The following SNTB1 variants were observed in gnomAD, a reference collection of about 807,000 sequenced individuals.
SNTB1 encodes the protein syntrophin beta 1.
SNTB1 carries 36 observed loss-of-function variants against 48.9 expected under a neutral mutation model. The observed-to-expected ratio is 0.74, with a 90% CI of 0.56 to 0.97. The LOEUF is 0.97. Among genes scored for constraint, SNTB1 ranks in the 50% least tolerant of loss-of-function variants. SNTB1 has a pLI of 0.00. For missense variants in SNTB1, 786 were observed against 703.4 expected (o/e 1.12, Z -1.33); for synonymous variants, 299 against 294.6 (o/e 1.01, Z -0.15).
chr8:120,712,541 A>G (rs1324757907), intron 1 of SNTB1, among the ~76,000 whole-genome samples: 2 of 152,168 alleles, frequency 1.3e-5, no homozygotes, highest in African/African-American at 4.8e-5. Flanking sequence ...AGCACTATTA[A>G]GTCCTAATTT....
intron 2 of SNTB1, among the ~76,000 whole-genome samples, chr8:120,681,016 T>C (rs1016627932): frequency 3.9e-5 from 6 of 152,180 alleles, no homozygotes; most frequent in African/African-American, 1.4e-4. Context: ...CTTAAATTCA[T>C]TTTTTAACTA....
At chr8:120,578,605 A>G (rs1815987707) in intron 3 of SNTB1, among the ~76,000 whole-genome samples, 1 of 152,218 alleles carries the variant, frequency 6.6e-6, no homozygotes, top group South Asian at 2.1e-4. Flanking sequence ...AGGTGAAGAA[A>G]GGCAACAGGG....
chr8:120,637,116 A>G (rs983916458), intron 2 of SNTB1: 3 of 334,174 alleles, frequency 9.0e-6, no homozygotes, highest in Non-Finnish European at 1.8e-5. Context: ...CAGGCTTGGA[A>G]GAGAAACTTC....
chr8:120,557,847 G>T (rs1815591215), intron 4 of SNTB1, among the ~76,000 whole-genome samples: 2 of 152,166 alleles, frequency 1.3e-5, no homozygotes, highest in South Asian at 4.1e-4. Flanking sequence ...ATTCAGTTTT[G>T]CAAAGGAAAG....
At chr8:120,634,851 C>CT (rs1337691561) in intron 2 of SNTB1, among the ~76,000 whole-genome samples, 2 of 142,290 alleles carry the variant, frequency 1.4e-5, no homozygotes, top group African/African-American at 2.6e-5. Context: ...AATTAGTATT[C>CT]ATTTTTTTTT....
At chr8:120,603,104 T>C (rs995212732) in intron 3 of SNTB1, among the ~76,000 whole-genome samples, 5 of 152,152 alleles carry the variant, frequency 3.3e-5, no homozygotes, top group Admixed American at 2.6e-4. Flanking sequence ...TCTAGATTTT[T>C]TTTTTTTTCT....
In SNTB1 at chr8:120,666,766, T is replaced by C. The variant is rs72682524; in HGVS notation, c.788+26926A>G. Among the ~76,000 whole-genome samples the C allele has an allele frequency of 2.4e-3, 373 of 152,298 alleles. 1 individual carries two copies. The highest frequency in any genetic ancestry group is 3.9e-3 in the Non-Finnish European group (266 of 68,028). ...GTAGCATAGCTCATTGATTCTCTGT[T>C]CATTTTTAAAAAATTATCTTTTCTA... is the stretch of plus-strand genomic sequence containing the variant. On this transcript the variant is annotated intron_variant, in intron 2 of 6. Coordinates refer to ENST00000517992, the MANE Select transcript of SNTB1 (RefSeq NM_021021.4).
At chr8:120,811,097 C>G (rs1227713728) in intron 1 of SNTB1, among the ~76,000 whole-genome samples, 176 bp downstream of exon 1, 3 of 151,778 alleles carry the variant, frequency 2.0e-5, no homozygotes, top group African/African-American at 7.3e-5. Flanking sequence ...TAAAAGTTGA[C>G]AAAACTCTAT....
intron 2 of SNTB1, among the ~76,000 whole-genome samples, chr8:120,648,734 T>A (rs1048764212): frequency 6.6e-6 from 1 of 152,192 alleles, no homozygotes; most frequent in Non-Finnish European, 1.5e-5. Context: ...ATTAGGGAAG[T>A]TCTCCTGGAT....
chr8:120,537,096 A>G lies in SNTB1; in HGVS notation c.*1781T>C, dbSNP rs924770721. The G allele has an allele frequency of 6.6e-6, 1 of 151,870 alleles. No homozygotes were observed. Among genetic ancestry groups the G allele is most frequent in the Non-Finnish European group, 1.5e-5 (1 of 67,990 alleles). The allele number at this position is 151,870 out of a possible 1,614,324, so 9.4% of individuals were successfully genotyped here. On this transcript the variant is annotated 3_prime_UTR_variant, in exon 7 of 7. Transcript: ENST00000517992. ...GACTTTTCAGCATTTGAAAATAGAAATAAACAAAAAGTCAATATCCTAAAG... is the reference window on the plus strand; with the variant it reads ...GACTTTTCAGCATTTGAAAATAGAAGTAAACAAAAAGTCAATATCCTAAAG...
At chr8:120,665,133 G>T (rs4342648) in intron 2 of SNTB1, among the ~76,000 whole-genome samples, 122,358 of 152,086 alleles carry the variant, frequency 0.8, 50,217 homozygotes, top group Middle Eastern at 0.91. Context: ...TGCCTTTTTA[G>T]TATAAATTTA....
intron 1 of SNTB1, among the ~76,000 whole-genome samples, chr8:120,740,790 T>G (rs979098955): frequency 1.3e-5 from 2 of 152,162 alleles, no homozygotes; most frequent in African/African-American, 4.8e-5. Context: ...TTGTTATTAT[T>G]TTTTGCAGCA....
intron 3 of SNTB1, among the ~76,000 whole-genome samples, chr8:120,603,469 G>A (rs955138237): frequency 1.3e-5 from 2 of 152,120 alleles, no homozygotes; most frequent in East Asian, 1.9e-4. Flanking sequence ...GACAAGAATT[G>A]TTCTAAAGCA....
rs545712001 is a variant in SNTB1, at chr8:120,540,010, C to A, written c.1525-1041G>T. Among the ~76,000 whole-genome samples the A allele has an allele frequency of 6.0e-4, 91 of 152,250 alleles. 1 individual carries two copies. Among genetic ancestry groups the A allele is most frequent in the African/African-American group, 2.1e-3 (86 of 41,542 alleles). On this transcript the variant is annotated intron_variant, in intron 6 of 6. Coordinates refer to ENST00000517992, the MANE Select transcript of SNTB1 (RefSeq NM_021021.4). ...AATGCAAGTCTGTCTAATGCCAGAG[C>A]CAGGGCTTAACCACAACATTCTATG...
At chr8:120,614,976 TAAAAAAAAAAAAA>T (rs61318757) in intron 3 of SNTB1, among the ~76,000 whole-genome samples, 1 of 73,258 alleles carries the variant, frequency 1.4e-5, no homozygotes, top group Non-Finnish European at 2.4e-5. Flanking sequence ...TCACCTCTAC[TAAAAAAAAAAAAA>T]AAAAAAAAAA....
At chr8:120,622,953 C>T (rs552146152) in intron 3 of SNTB1, among the ~76,000 whole-genome samples, 1 of 152,320 alleles carries the variant, frequency 6.6e-6, no homozygotes, top group Non-Finnish European at 1.5e-5. Context: ...CTATGGGAGA[C>T]CACAGCCAGT....
chr8:120,653,474 C>T (rs1817442762), intron 2 of SNTB1, among the ~76,000 whole-genome samples: 1 of 152,098 alleles, frequency 6.6e-6, no homozygotes, highest in Admixed American at 6.5e-5. Context: ...ACCAACCCTG[C>T]TGACATTTTG....
At chr8:120,681,463 G>A (rs1363436100) in intron 2 of SNTB1, among the ~76,000 whole-genome samples, 1 of 152,178 alleles carries the variant, frequency 6.6e-6, no homozygotes, top group Non-Finnish European at 1.5e-5. Context: ...GAGTCCCTTG[G>A]CTCTGCACAA....
At chr8:120,770,810 T>C (rs1819613526) in intron 1 of SNTB1, among the ~76,000 whole-genome samples, 1 of 152,098 alleles carries the variant, frequency 6.6e-6, no homozygotes, top group Admixed American at 6.6e-5. Context: ...CAAAACTCTG[T>C]CTCAAAAAAA....
Sources: gnomAD v4.1 joint callset for allele counts (sites outside exome capture counted in the v4.1 genomes callset) on GRCh38, gnomAD v4.1.1 for gene constraint, MANE v1.5 for transcripts, NCBI Gene and HGNC (gene_info 2026-07-23, HGNC 2026-07-21) for gene names.